The following DNAH11 variants were observed in gnomAD, a reference collection of about 807,000 sequenced individuals.
DNAH11 encodes dynein axonemal heavy chain 11.
DNAH11 carries 442 observed loss-of-function variants against 526.0 expected under a neutral mutation model. That is an observed-to-expected ratio of 0.84 (90% CI 0.78 to 0.91). The LOEUF (loss-of-function observed/expected upper bound fraction) is 0.91, where lower values mean the gene tolerates loss of function less well. DNAH11 is among the 40% of genes least tolerant of loss of function. The pLI, the probability that DNAH11 is intolerant of heterozygous loss-of-function variation, is 0.00. For missense variants in DNAH11, 6,989 were observed against 5,448.7 expected (o/e 1.28, Z -8.90); for synonymous variants, 2,461 against 1,935.9 (o/e 1.27, Z -7.12).
chr7:21,842,698 C>G lies in DNAH11; in HGVS notation c.10846C>G (p.Leu3616Val). 11 of 1,613,654 alleles carry G rather than the reference C, an allele frequency of 6.8e-6. No homozygotes were observed. Among genetic ancestry groups the G allele is most frequent in the South Asian group, 1.1e-5 (1 of 90,998 alleles). ...CACAGAAGATGGTCTAGAAGCCCAG[C>G]TGCTGGCAGAGGTTGTCAGTATTGA... ...TVTEDGLEAQ[L>V]LAEVVSIERP... is the part of the protein sequence containing the mutation. The change falls in exon 66 of 82, where the codon CTG (leucine) becomes GTG (valine). Residue 3616 changes from leucine (L) to valine (V), a missense_variant. Leu to Val is a conservative substitution (Grantham distance 32). Transcript: ENST00000409508.
At position 21,558,864 on chromosome 7, in the gene DNAH11, A is replaced by G. The variant is rs1200873496; in HGVS notation, c.558A>G (p.Gln186=). 11 of 1,610,026 alleles carry G rather than the reference A, an allele frequency of 6.8e-6. No homozygotes were observed. The highest frequency in any genetic ancestry group is 8.5e-6 in the Non-Finnish European group (10 of 1,178,014). Residue 186 remains glutamine (Q), a synonymous_variant, in exon 3 of 82, where the codon CAA becomes CAG. Coordinates refer to ENST00000409508, the MANE Select transcript of DNAH11 (RefSeq NM_001277115.2). ...AGTCCTGGTCCTGTTTTACTTCACA[A>G]GATATGGAATATCACATAGAAGTCA... ...NHKSWSCFTS[Q]DMEYHIEVMK...
At chr7:21,714,839 A>T (rs1476778550) in intron 42 of DNAH11, among the ~76,000 whole-genome samples, 2 of 152,164 alleles carry the variant, frequency 1.3e-5, no homozygotes, top group African/African-American at 4.8e-5. Flanking sequence ...TAAGTTGGAG[A>T]CATTAAGACA....
Position 21,609,366 on chromosome 7 carries a change from C to T in DNAH11, c.3852+2633C>T, listed in dbSNP as rs553587094. On this transcript the variant is annotated intron_variant, in intron 20 of 81. Transcript: ENST00000409508. ...GAGTAGCTGGGACCACAGACAGGCACGCACCACCACACCTGGCTAATTTTT... is the reference window on the plus strand; with the variant it reads ...GAGTAGCTGGGACCACAGACAGGCATGCACCACCACACCTGGCTAATTTTT... Among the ~76,000 whole-genome samples, 43 of 152,134 alleles carry T rather than the reference C, an allele frequency of 2.8e-4. 1 individual carries two copies. Among genetic ancestry groups the T allele is most frequent in the Admixed American group, 7.9e-4 (12 of 15,270 alleles).
chr7:21,544,727 A>ATT (rs549074195), intron 1 of DNAH11, among the ~76,000 whole-genome samples: 1 of 150,246 alleles, frequency 6.7e-6, no homozygotes, highest in African/African-American at 2.4e-5. Context: ...TAGTTATAAG[A>ATT]TTTTTTTTTT....
rs182921787 is a variant in DNAH11, at chr7:21,873,256, C to A, written c.11968-18C>A. 8.4e-5 allele frequency: 130 copies of A among 1,546,242 alleles called. No individual in the cohort carries two copies. The African/African-American group carries it at 1.6e-3, about 19-fold the overall frequency. ...ATGCCTCACCTTCACAGGAATTATG[C>A]ACCATGCTATCTTTCAGAATGTTCA... On this transcript the variant is annotated intron_variant, in intron 73 of 81. Transcript: ENST00000409508.
At chr7:21,555,435 T>A (rs1783179149) in intron 2 of DNAH11, among the ~76,000 whole-genome samples, 1 of 152,308 alleles carries the variant, frequency 6.6e-6, no homozygotes, top group East Asian at 1.9e-4. Context: ...CCATTTTTGG[T>A]CAGTCTTTGT....
chr7:21,808,170 A>G, intron 63 of DNAH11, 121 bp downstream of exon 63: 2 of 713,442 alleles, frequency 2.8e-6, no homozygotes, highest in Non-Finnish European at 4.0e-6. Flanking sequence ...CAGAAATTCC[A>G]TGGTGAAATT....
rs868772687 is a variant in DNAH11, at chr7:21,620,688, A to G, written c.4500+610A>G. ...ATTAACTCGTCATTTAGCATTAGGT[A>G]TATCTCCTAAAGCTATCCCTCCCCC... On this transcript the variant is annotated intron_variant, in intron 25 of 81. Transcript: ENST00000409508. Among the ~76,000 whole-genome samples, 325 of 145,468 alleles carry G rather than the reference A, an allele frequency of 2.2e-3. 2 individuals carry two copies. The highest frequency in any genetic ancestry group is 0.021 in the Middle Eastern group (6 of 282).
chr7:21,669,983 C>T (rs1259337997), intron 30 of DNAH11, among the ~76,000 whole-genome samples: 1 of 152,036 alleles, frequency 6.6e-6, no homozygotes, highest in African/African-American at 2.4e-5. Flanking sequence ...CAACTTTGTT[C>T]ATTATTTTCC....
At chr7:21,657,273 C>G (rs1378939550) in intron 29 of DNAH11, among the ~76,000 whole-genome samples, 5 of 152,126 alleles carry the variant, frequency 3.3e-5, no homozygotes, top group African/African-American at 7.2e-5. Flanking sequence ...GCATCAGATG[C>G]TAGGTCAGGC....
rs1386643192 is a variant in DNAH11 at position 21,543,094 on chromosome 7, G to A, written c.-152G>A. The A allele has an allele frequency of 1.5e-5, 21 of 1,406,126 alleles. No homozygotes were observed. The Admixed American group carries it at 5.7e-4, about 38-fold the overall frequency. The allele number at this position is 1,406,126 out of a possible 1,614,324, so 87.1% of individuals were successfully genotyped here. A position where few individuals can be genotyped will look rare whatever the true frequency, so the allele number is the denominator to read the frequency against. ...TACAGCTGTGCGCAGTGGCGCGGCTGCTAAGTAGCAGCAGGTGGGAGACTA... is the reference window on the plus strand; with the variant it reads ...TACAGCTGTGCGCAGTGGCGCGGCTACTAAGTAGCAGCAGGTGGGAGACTA... On this transcript the variant is annotated 5_prime_UTR_variant, in exon 1 of 82. Coordinates refer to ENST00000409508, the MANE Select transcript of DNAH11 (RefSeq NM_001277115.2).
intron 9 of DNAH11, among the ~76,000 whole-genome samples, chr7:21,584,240 A>G (rs1022564535): frequency 2.6e-5 from 4 of 152,248 alleles, no homozygotes; most frequent in African/African-American, 9.6e-5. Flanking sequence ...ATGGAATACT[A>G]TGCAGCCATA....
intron 75 of DNAH11, 108 bp downstream of exon 75, chr7:21,881,001 T>A: frequency 1.0e-6 from 1 of 987,944 alleles, no homozygotes; most frequent in Non-Finnish European, 1.4e-6. Context: ...ATTATTGAAA[T>A]AGCTGACACT....
chr7:21,546,361 C>G (rs769050123), intron 2 of DNAH11, among the ~76,000 whole-genome samples: 4 of 152,200 alleles, frequency 2.6e-5, no homozygotes, highest in Non-Finnish European at 4.4e-5. Flanking sequence ...AATCTTTTAA[C>G]TTCAGTACCA....
chr7:21,704,711 G>A, intron 38 of DNAH11, 83 bp downstream of exon 38: 1 of 1,452,682 alleles, frequency 6.9e-7, no homozygotes, highest in Non-Finnish European at 9.3e-7. Flanking sequence ...AAAGCAAGAT[G>A]TTAACTTGTA....
In DNAH11 at chr7:21,710,624, G is replaced by T; in HGVS notation, c.6755G>T (p.Gly2252Val). The stretch of plus-strand genomic sequence containing the variant: ...GAACAAGCAAATCTTAAGCATGATG[G>T]ACCAAAATGGATAGTCCTGGATGGC... ...LREQANLKHD[G>V]PKWIVLDGDI... Residue 2252 changes from glycine (G) to valine (V), a missense_variant, in exon 41 of 82, where the codon GGA (glycine) becomes GTA (valine). Physicochemically the swap from Gly to Val is moderately radical, Grantham distance 109 (BLOSUM62 -3). Transcript: ENST00000409508. The T allele has an allele frequency of 6.2e-7, 1 of 1,613,282 alleles. No individual in the cohort carries two copies. Among genetic ancestry groups the T allele is most frequent in the Non-Finnish European group, 8.5e-7 (1 of 1,179,556 alleles).
intron 68 of DNAH11, among the ~76,000 whole-genome samples, chr7:21,859,272 C>G (rs558407113): frequency 2.6e-5 from 4 of 152,228 alleles, no homozygotes; most frequent in Admixed American, 2.6e-4. Context: ...CACCACCATG[C>G]CTGGCTAAAT....
In DNAH11 at chr7:21,584,266, A is replaced by C. The variant is rs142841978; in HGVS notation, c.1710+2245A>C. Among the ~76,000 whole-genome samples, 64 of 152,330 alleles carry C rather than the reference A, an allele frequency of 4.2e-4. 1 individual carries two copies. The East Asian group carries it at 0.011, about 25-fold the overall frequency. On this transcript the variant is annotated intron_variant, in intron 9 of 81. Transcript: ENST00000409508. Reference sequence around the variant, plus strand: ...TGCAGCCATAAAGAAGAATGAGTTCATGTCCTTTGCAGGGACATGGATGAA... The same window carrying C: ...TGCAGCCATAAAGAAGAATGAGTTCCTGTCCTTTGCAGGGACATGGATGAA...
intron 25 of DNAH11, among the ~76,000 whole-genome samples, chr7:21,628,389 C>G (rs1357792096): frequency 6.6e-6 from 1 of 152,096 alleles, no homozygotes; most frequent in Admixed American, 6.5e-5. Flanking sequence ...GAAAGGCTAT[C>G]AAATTTTCCC....
Sources: allele counts gnomAD v4.1 joint callset (sites outside exome capture counted in the v4.1 genomes callset), GRCh38; gene constraint gnomAD v4.1.1; transcripts MANE v1.5; gene names NCBI Gene and HGNC (gene_info 2026-07-23, HGNC 2026-07-21).